The following ADGRB3 variants were observed in gnomAD, a reference collection of about 807,000 sequenced individuals.
ADGRB3 encodes the protein brain-specific angiogenesis inhibitor 3.
In ADGRB3, 37 loss-of-function variants were observed where a neutral mutation model predicts 193.4. That is an observed-to-expected ratio of 0.19 (90% confidence interval 0.15 to 0.25). The LOEUF (loss-of-function observed/expected upper bound fraction) is 0.25, where lower values mean the gene tolerates loss of function less well. Ranked by LOEUF, ADGRB3 falls within the 10% of genes least tolerant of loss-of-function variation. ADGRB3 has a pLI of 1.00. For missense variants in ADGRB3, 1,637 were observed against 1,852.9 expected (o/e 0.88, Z 2.14); for synonymous variants, 690 against 644.2 (o/e 1.07, Z -1.08).
chr6:68,656,653 AT>A (rs1480385281), intron 3 of ADGRB3, among the ~76,000 whole-genome samples: 2 of 151,492 alleles, frequency 1.3e-5, no homozygotes, highest in African/African-American at 4.8e-5. Context: ...TGGGTTTGAC[AT>A]TTTAAATTAA....
chr6:68,965,293 A>C (rs1295423741), intron 8 of ADGRB3, among the ~76,000 whole-genome samples: 2 of 152,106 alleles, frequency 1.3e-5, no homozygotes, highest in African/African-American at 4.8e-5. Context: ...AGTAGGTACC[A>C]CCTTGGAAAT....
At chr6:69,006,469 TCTC>T (rs1284166743) in intron 11 of ADGRB3, among the ~76,000 whole-genome samples, 1 of 152,068 alleles carries the variant, frequency 6.6e-6, no homozygotes, top group African/African-American at 2.4e-5. Flanking sequence ...GAATGGTCTG[TCTC>T]CTCTGGATTA....
At chr6:69,119,116 G>A (rs921408795) in intron 17 of ADGRB3, among the ~76,000 whole-genome samples, 2 of 152,134 alleles carry the variant, frequency 1.3e-5, no homozygotes, top group Non-Finnish European at 2.9e-5. Context: ...TCACTGTCAT[G>A]GAAAACCTCT....
chr6:69,121,614 C>G (rs1380990418), intron 17 of ADGRB3, among the ~76,000 whole-genome samples: 1 of 152,110 alleles, frequency 6.6e-6, no homozygotes, highest in Non-Finnish European at 1.5e-5. Flanking sequence ...GCGCTCCTCA[C>G]TTCCCAGATG....
At chr6:69,291,983 A>G (rs992544886) in intron 20 of ADGRB3, among the ~76,000 whole-genome samples, 6 of 152,272 alleles carry the variant, frequency 3.9e-5, no homozygotes, top group Admixed American at 1.3e-4. Flanking sequence ...AGGGTCACAG[A>G]GAAAAATCTG....
chr6:69,288,677 A>G (rs995537953), intron 20 of ADGRB3, among the ~76,000 whole-genome samples: 18 of 152,210 alleles, frequency 1.2e-4, no homozygotes, highest in Admixed American at 3.3e-4. Flanking sequence ...GGGAGTTATT[A>G]GCTTCAACAC....
At chr6:69,000,779 G>C (rs933714125) in intron 11 of ADGRB3, among the ~76,000 whole-genome samples, 5 of 152,202 alleles carry the variant, frequency 3.3e-5, no homozygotes, top group African/African-American at 9.6e-5. Flanking sequence ...TGATGGTGCT[G>C]TGCATTTTAG....
At chr6:68,868,058 T>C (rs1765348946) in intron 3 of ADGRB3, among the ~76,000 whole-genome samples, 1 of 152,100 alleles carries the variant, frequency 6.6e-6, no homozygotes, top group Admixed American at 6.5e-5. Flanking sequence ...TGTTTTGAAA[T>C]GTGAGAAGGA....
chr6:69,272,770 T>C (rs1295088562), intron 20 of ADGRB3, among the ~76,000 whole-genome samples: 1 of 152,126 alleles, frequency 6.6e-6, no homozygotes, highest in Non-Finnish European at 1.5e-5. Context: ...TGTAAAGGGA[T>C]TGGTGCTTTT....
chr6:68,719,734 C>T (rs951268847), intron 3 of ADGRB3, among the ~76,000 whole-genome samples: 4 of 151,078 alleles, frequency 2.6e-5, no homozygotes, highest in Non-Finnish European at 3.0e-5. Context: ...TCACAAAAAC[C>T]TTTTTTTTAG....
chr6:68,972,341 A>T (rs1181497421), intron 8 of ADGRB3, among the ~76,000 whole-genome samples: 3 of 152,150 alleles, frequency 2.0e-5, no homozygotes, highest in African/African-American at 7.2e-5. Flanking sequence ...GGGCCTTGCC[A>T]ACCTCAGCAC....
At chr6:68,786,352 A>C (rs1158565412) in intron 3 of ADGRB3, among the ~76,000 whole-genome samples, 1 of 152,188 alleles carries the variant, frequency 6.6e-6, no homozygotes, top group African/African-American at 2.4e-5. Context: ...GAAGGGATCC[A>C]GTTTCAGCTT....
rs773039235 is a variant in ADGRB3 at position 69,008,115 on chromosome 6, T to A, written c.1930-5923T>A. Among the ~76,000 whole-genome samples the A allele has an allele frequency of 4.6e-5, 7 of 152,254 alleles. No individual in the cohort carries two copies. The South Asian group carries it at 1.4e-3, about 32-fold the overall frequency. ...AATTACATTTTAAAGGCCCCAACTCTTAATAACATTACATTGTCAACAGCT... is the reference window on the plus strand; with the variant it reads ...AATTACATTTTAAAGGCCCCAACTCATAATAACATTACATTGTCAACAGCT... On this transcript the variant is annotated intron_variant, in intron 11 of 31. Coordinates refer to ENST00000370598, the MANE Select transcript of ADGRB3 (RefSeq NM_001704.3).
chr6:68,876,905 T>C (rs1765609802), intron 3 of ADGRB3, among the ~76,000 whole-genome samples: 1 of 152,082 alleles, frequency 6.6e-6, no homozygotes, highest in Admixed American at 6.6e-5. Context: ...TTCAAAATTA[T>C]AAATATTTTG....
chr6:69,266,663 T>C (rs1484926962), intron 20 of ADGRB3, among the ~76,000 whole-genome samples: 3 of 152,080 alleles, frequency 2.0e-5, no homozygotes, highest in Non-Finnish European at 2.9e-5. Flanking sequence ...CACAGATATA[T>C]ACACACATAC....
intron 3 of ADGRB3, among the ~76,000 whole-genome samples, chr6:68,780,015 A>G (rs1327052496): frequency 2.0e-5 from 3 of 152,080 alleles, no homozygotes; most frequent in Non-Finnish European, 4.4e-5. Context: ...AAAAGTATAC[A>G]TATATTTGTT....
intron 19 of ADGRB3, among the ~76,000 whole-genome samples, chr6:69,235,604 A>G (rs970198858): frequency 6.6e-6 from 1 of 152,088 alleles, no homozygotes; most frequent in Non-Finnish European, 1.5e-5. Context: ...TATGCTATTG[A>G]AGCACTAACA....
At chr6:69,060,930 A>T (rs1042824183) in intron 15 of ADGRB3, among the ~76,000 whole-genome samples, 1 of 152,062 alleles carries the variant, frequency 6.6e-6, no homozygotes, top group Admixed American at 6.6e-5. Context: ...CAATTTCTCT[A>T]TTCTCACTTG....
chr6:69,203,276 A>G (rs758868003), intron 17 of ADGRB3, among the ~76,000 whole-genome samples: 1 of 152,126 alleles, frequency 6.6e-6, no homozygotes, highest in African/African-American at 2.4e-5. Context: ...TTTTATTATC[A>G]TTATCATTGA....
Sources: allele counts gnomAD v4.1 joint callset (sites outside exome capture counted in the v4.1 genomes callset), GRCh38; gene constraint gnomAD v4.1.1; transcripts MANE v1.5; gene names NCBI Gene and HGNC (gene_info 2026-07-23, HGNC 2026-07-21).